EYS: variants seen among roughly 807,000 people sequenced by gnomAD.
EYS encodes the protein EGF-like photoreceptor maintenance factor.
Under a neutral mutation model 282.1 loss-of-function variants are expected in EYS, and 250 were observed. That is an observed-to-expected ratio of 0.89 (90% CI 0.80 to 0.98). The LOEUF (loss-of-function observed/expected upper bound fraction) is 0.98. EYS is among the 50% of genes least tolerant of loss of function. EYS has a pLI of 0.00. For synonymous variants in EYS, 1,355 were observed against 1,282.9 expected, an observed-to-expected ratio of 1.06 and a Z score of -1.20; for missense variants, 4,016 against 3,709.0, an observed-to-expected ratio of 1.08 and a Z score of -2.15.
At chr6:65,616,907 C>G (rs1367602159) in intron 2 of EYS, among the ~76,000 whole-genome samples, 1 of 152,004 alleles carries the variant, frequency 6.6e-6, no homozygotes, top group Non-Finnish European at 1.5e-5. Context: ...CTAACTAATA[C>G]ATTGAAGCTT....
intron 2 of EYS, among the ~76,000 whole-genome samples, chr6:65,604,555 T>A (rs1016411882): frequency 3.3e-5 from 5 of 152,012 alleles, no homozygotes; most frequent in African/African-American, 1.2e-4. Context: ...TGTCAAAATT[T>A]GGAATGTACA....
At chr6:64,144,830 G>A (rs1057513483) in intron 31 of EYS, among the ~76,000 whole-genome samples, 29 of 152,126 alleles carry the variant, frequency 1.9e-4, no homozygotes, top group Non-Finnish European at 3.7e-4. Flanking sequence ...AGCTGGCCAC[G>A]TGTTGGGGAT....
intron 12 of EYS, among the ~76,000 whole-genome samples, chr6:65,122,455 GA>G (rs1775586029): frequency 1.3e-5 from 2 of 152,076 alleles, no homozygotes; most frequent in South Asian, 4.1e-4. Context: ...GTGTCAATGA[GA>G]AAATTTGATA....
chr6:65,054,342 C>T (rs951418671), intron 13 of EYS, among the ~76,000 whole-genome samples: 7 of 151,952 alleles, frequency 4.6e-5, no homozygotes, highest in African/African-American at 1.7e-4. Context: ...ACTCTTCCAT[C>T]TTCTGGCTTT....
At chr6:64,984,804 C>T (rs1770798896) in intron 14 of EYS, among the ~76,000 whole-genome samples, 1 of 151,442 alleles carries the variant, frequency 6.6e-6, no homozygotes. Flanking sequence ...TCTTATCCAT[C>T]CCTCCAGCAG....
chr6:65,463,906 G>A (rs1007798779), intron 5 of EYS, among the ~76,000 whole-genome samples: 1 of 151,992 alleles, frequency 6.6e-6, no homozygotes, highest in Non-Finnish European at 1.5e-5. Context: ...GCAACCTCAG[G>A]CATAAATGGG....
chr6:63,899,152 T>C (rs1773603886), intron 35 of EYS, among the ~76,000 whole-genome samples: 1 of 152,200 alleles, frequency 6.6e-6, no homozygotes, highest in Admixed American at 6.5e-5. Flanking sequence ...TAATTGATAA[T>C]TAAATTTCAA....
chr6:65,076,631 C>T (rs1202171860), intron 12 of EYS, among the ~76,000 whole-genome samples: 1 of 151,724 alleles, frequency 6.6e-6, no homozygotes, highest in Non-Finnish European at 1.5e-5. Context: ...AAATTATCCT[C>T]AGAGTGCATT....
chr6:64,280,766 C>T (rs1349617973), intron 30 of EYS, among the ~76,000 whole-genome samples: 1 of 152,014 alleles, frequency 6.6e-6, no homozygotes, highest in African/African-American at 2.4e-5. Context: ...CATCTAGCTC[C>T]AGGGGGCACT....
At chr6:65,430,741 G>A (rs1767852687) in intron 5 of EYS, among the ~76,000 whole-genome samples, 1 of 152,168 alleles carries the variant, frequency 6.6e-6, no homozygotes. Flanking sequence ...CCTGTTCCAG[G>A]CCCTAGCTGC....
chr6:64,003,947 TC>T (rs1202803328), intron 33 of EYS, among the ~76,000 whole-genome samples: 1 of 152,130 alleles, frequency 6.6e-6, no homozygotes, highest in Non-Finnish European at 1.5e-5. Context: ...TCCTGAGGCC[TC>T]CCCAGCCATG....
chr6:63,898,008 G>A (rs1434318709), intron 35 of EYS, among the ~76,000 whole-genome samples: 1 of 152,156 alleles, frequency 6.6e-6, no homozygotes, highest in Non-Finnish European at 1.5e-5. Flanking sequence ...CTGTGACCGT[G>A]GCAGTAGCAC....
intron 11 of EYS, among the ~76,000 whole-genome samples, chr6:65,321,100 A>T (rs1047312571): frequency 6.6e-6 from 1 of 151,638 alleles, no homozygotes; most frequent in Non-Finnish European, 1.5e-5. Flanking sequence ...GCTCTGTAAG[A>T]CTACGGAGAT....
intron 31 of EYS, among the ~76,000 whole-genome samples, chr6:64,168,977 A>T (rs898484463): frequency 2.0e-5 from 3 of 152,234 alleles, no homozygotes; most frequent in African/African-American, 7.2e-5. Flanking sequence ...TGATTCAGAG[A>T]ATATAAGAAA....
chr6:65,115,263 T>C (rs574918345), intron 12 of EYS, among the ~76,000 whole-genome samples: 1 of 152,062 alleles, frequency 6.6e-6, no homozygotes, highest in East Asian at 1.9e-4. Flanking sequence ...ATACAAAGTA[T>C]CATAATATAC....
intron 5 of EYS, among the ~76,000 whole-genome samples, chr6:65,439,677 T>G (rs1768229426): frequency 6.6e-6 from 1 of 152,154 alleles, no homozygotes; most frequent in African/African-American, 2.4e-5. Flanking sequence ...TAAGAATGCT[T>G]ATGACTTTTG....
At chr6:64,463,142 G>T (rs1285611197) in intron 26 of EYS, among the ~76,000 whole-genome samples, 1 of 151,634 alleles carries the variant, frequency 6.6e-6, no homozygotes, top group African/African-American at 2.4e-5. Context: ...TACTAGAGAT[G>T]GGGTTTCACC....
At chr6:64,481,045 T>C (rs1230087834) in intron 26 of EYS, among the ~76,000 whole-genome samples, 1 of 151,534 alleles carries the variant, frequency 6.6e-6, no homozygotes, top group African/African-American at 2.4e-5. Context: ...TTTGAAAAAG[T>C]CCAATATTTC....
chr6:63,762,526 A>G lies in EYS; in HGVS notation c.8006T>C (p.Ile2669Thr). Residue 2669 changes from isoleucine (I) to threonine (T), a missense_variant, in exon 41 of 43, where the codon ATT becomes ACT. Coordinates refer to ENST00000503581, the MANE Select transcript of EYS (RefSeq NM_001142800.2). ...PHHCSRGATC[I>T]SLPHGYTCFC... ...ACAGGTGTATCCATGAGGTAATGAA[A>G]TGCAGGTTGCTCCTCTGCTACAGTG... 1 of 1,550,444 alleles carries G rather than the reference A, an allele frequency of 6.4e-7. No homozygotes were observed. Among genetic ancestry groups the G allele is most frequent in the Non-Finnish European group, 8.7e-7 (1 of 1,146,112 alleles).
Sources: gnomAD v4.1 joint callset for allele counts (sites outside exome capture counted in the v4.1 genomes callset) on GRCh38, gnomAD v4.1.1 for gene constraint, MANE v1.5 for transcripts, NCBI Gene and HGNC (gene_info 2026-07-23, HGNC 2026-07-21) for gene names.